The following NLRP1 variants were observed in gnomAD, a reference collection of about 807,000 sequenced individuals.
The protein encoded by NLRP1 is NLR family pyrin domain containing 1, also known as NACHT, LRR and PYD domains-containing protein 1.
Under a neutral mutation model 136.7 loss-of-function variants are expected in NLRP1, and 94 were observed. The observed-to-expected ratio is 0.69, with a 90% CI of 0.58 to 0.82. The LOEUF (loss-of-function observed/expected upper bound fraction) is 0.82, where lower values mean the gene tolerates loss of function less well. Among genes scored for constraint, NLRP1 ranks in the 40% least tolerant of loss-of-function variants. The probability of loss-of-function intolerance (pLI) is 0.00; values close to 1 mark genes in which losing one functional copy is unlikely to be tolerated. For missense variants in NLRP1, 1,575 were observed against 1,802.7 expected (o/e 0.87, Z 2.29); for synonymous variants, 690 against 725.1 (o/e 0.95, Z 0.78).
intron 8 of NLRP1, among the ~76,000 whole-genome samples, chr17:5,535,012 G>C (rs1910851059): frequency 6.6e-6 from 1 of 152,190 alleles, no homozygotes; most frequent in Admixed American, 6.5e-5. Context: ...ACAAGGTCAG[G>C]AGTTCGAGAC....
Position 5,530,470 on chromosome 17 carries a change from CTGT to C in NLRP1, c.3520+8_3520+10del. On this transcript the variant is annotated splice_region_variant and intron_variant, in intron 12 of 16. Coordinates refer to ENST00000572272, the MANE Select transcript of NLRP1 (RefSeq NM_033004.4). ...CCACCACCTTCCTCCCTATCCTTCC[CTGT>C]TGTTTACCTTGGAGAGCCACAAAGT... The C allele has an allele frequency of 3.7e-6, 6 of 1,610,478 alleles. No individual in the cohort carries two copies. The highest frequency in any genetic ancestry group is 4.2e-6 in the Non-Finnish European group (5 of 1,177,096).
intron 15 of NLRP1, among the ~76,000 whole-genome samples, chr17:5,507,995 G>A (rs1398947186): frequency 2.6e-5 from 4 of 151,808 alleles, no homozygotes; most frequent in African/African-American, 9.7e-5. Context: ...TTAGCCAGGC[G>A]TGGTGGCGCA....
intron 15 of NLRP1, 70 bp downstream of exon 15, chr17:5,517,676 G>A: frequency 6.4e-7 from 1 of 1,572,954 alleles, no homozygotes; most frequent in Non-Finnish European, 8.7e-7. Flanking sequence ...GTGAGCCACT[G>A]TGCCCAGCTC....
At position 5,568,900 on chromosome 17, in the gene NLRP1, A is replaced by G. The variant is rs552285196; in HGVS notation, c.653-8857T>C. On this transcript the variant is annotated intron_variant, in intron 3 of 16. Coordinates refer to ENST00000572272, the MANE Select transcript of NLRP1 (RefSeq NM_033004.4). ...TTTCCTTACTTTCTGCCAAACATAC[A>G]GTCTCTGTCTCTTCTAAGCCACCTA... Among the ~76,000 whole-genome samples, 6 of 152,264 alleles carry G rather than the reference A, an allele frequency of 3.9e-5. No homozygotes were observed. In the South Asian group the frequency reaches 1.0e-3, roughly 26 times the overall value.
intron 12 of NLRP1, among the ~76,000 whole-genome samples, chr17:5,529,508 C>T (rs1909966823): frequency 6.6e-6 from 1 of 151,958 alleles, no homozygotes; most frequent in African/African-American, 2.4e-5. Flanking sequence ...GCTGGGACTA[C>T]AGGCGCCTGC....
At chr17:5,538,962 C>T (rs1174921724) in intron 7 of NLRP1, among the ~76,000 whole-genome samples, 1 of 152,136 alleles carries the variant, frequency 6.6e-6, no homozygotes, top group Non-Finnish European at 1.5e-5. Flanking sequence ...CTCACTGCAA[C>T]CTCTGCCTCC....
chr17:5,551,024 T>G (rs2151790909), intron 5 of NLRP1, among the ~76,000 whole-genome samples: 1 of 152,254 alleles, frequency 6.6e-6, no homozygotes, highest in South Asian at 2.1e-4. Flanking sequence ...TTACAATTGA[T>G]AAACTGACAT....
At position 5,559,913 on chromosome 17, in the gene NLRP1, C is replaced by G. The variant is rs754760235; in HGVS notation, c.783G>C (p.Glu261Asp). 8.1e-6 allele frequency: 13 copies of G among 1,614,224 alleles called. No individual in the cohort carries two copies. The highest frequency in any genetic ancestry group is 8.5e-7 in the Non-Finnish European group (1 of 1,180,032). ...HHHPWEPSVR[E>D]SLCSTWPWKN... ...TCCAGGGCCATGTGGAACAGAGGCTCTCTCTCACAGAAGGCTCCCATGGGT... is the reference window on the plus strand; with the variant it reads ...TCCAGGGCCATGTGGAACAGAGGCTGTCTCTCACAGAAGGCTCCCATGGGT... The change falls in exon 4 of 17, where the codon GAG becomes GAC. Residue 261 changes from glutamate (E) to aspartate (D), a missense_variant. Transcript: ENST00000572272.
intron 3 of NLRP1, among the ~76,000 whole-genome samples, chr17:5,577,333 G>A (rs1905123686): frequency 6.6e-6 from 1 of 152,162 alleles, no homozygotes; most frequent in Admixed American, 6.5e-5. Context: ...GTCCCTGTTT[G>A]CAGATGACAT....
chr17:5,517,692 T>C (rs1567630689), intron 15 of NLRP1, 54 bp downstream of exon 15: 33 of 1,605,288 alleles, frequency 2.1e-5, no homozygotes, highest in Middle Eastern at 1.7e-4. Flanking sequence ...AGCTCCTTCA[T>C]TGATTTTCTT....
At position 5,514,836 on chromosome 17, in the gene NLRP1, G is replaced by A; in HGVS notation, c.4340C>T (p.Ala1447Val). 1 of 1,614,116 alleles carries A rather than the reference G, an allele frequency of 6.2e-7. No individual in the cohort carries two copies. Among genetic ancestry groups the A allele is most frequent in the South Asian group, 1.1e-5 (1 of 91,074 alleles). The change falls in exon 17 of 17, where the codon GCC (alanine) becomes GTC (valine). Residue 1447 changes from alanine (A) to valine (V), a missense_variant. Physicochemically the swap from Ala to Val is moderately conservative, Grantham distance 64. Coordinates refer to ENST00000572272, the MANE Select transcript of NLRP1 (RefSeq NM_033004.4). ...DRKCKDGLYQALKETHPHLIM... is the reference protein window; with the variant it reads ...DRKCKDGLYQVLKETHPHLIM... ...GAGGTGAGGATGGGTCTCCTTCAGG[G>A]CTTGGTAGAGTCCATCTTTGCACTT...
rs145951706 is a variant in NLRP1, at chr17:5,541,030, C to T, written c.2699+827G>A. ...GCCCAGCAGGACCAGGGAGAGGTAA[C>T]TATGCACTCTTGTTTCTTTTCTTTT... On this transcript the variant is annotated intron_variant, in intron 6 of 16. Transcript: ENST00000572272. The surrounding 1 kb of genome is among the most constrained non-coding windows in gnomAD (Gnocchi z 4.2). Among the ~76,000 whole-genome samples the T allele has an allele frequency of 6.6e-3, 1,010 of 152,256 alleles. 8 individuals are homozygous for T. Among genetic ancestry groups the T allele is most frequent in the South Asian group, 0.023 (111 of 4,818 alleles).
At position 5,539,406 on chromosome 17, in the gene NLRP1, G is replaced by A. The variant is rs2151770640; in HGVS notation, c.2870+9C>T. On this transcript the variant is annotated intron_variant, in intron 7 of 16. Coordinates refer to ENST00000572272, the MANE Select transcript of NLRP1 (RefSeq NM_033004.4). ...TCCCTCTGCCCAGAAGGGACCCACAGGGCCTTACCCCAGGCGTATGAGTTT... is the reference window on the plus strand; with the variant it reads ...TCCCTCTGCCCAGAAGGGACCCACAAGGCCTTACCCCAGGCGTATGAGTTT... The A allele has an allele frequency of 1.9e-6, 3 of 1,608,328 alleles. No homozygotes were observed. The South Asian group carries it at 3.3e-5, about 18-fold the overall frequency.
chr17:5,582,821 GC>G lies in NLRP1; in HGVS notation c.296del (p.Ser99ThrfsTer19). On this transcript the variant is annotated frameshift_variant, in exon 2 of 17. Coordinates refer to ENST00000572272, the MANE Select transcript of NLRP1 (RefSeq NM_033004.4). LOFTEE classifies it high-confidence loss of function. ...GAGHSPSFPYSPSEPHLGSPS... is the reference protein window; with the variant it reads ...GAGHSPSFPYXPSEPHLGSPS... ...GAGACCCCAGGTGGGGTTCACTTGGGCTGTAGGGGAATGAGGGAGAGTGGCC... is the reference window on the plus strand; with the variant it reads ...GAGACCCCAGGTGGGGTTCACTTGGGTGTAGGGGAATGAGGGAGAGTGGCC... 6.2e-7 allele frequency: 1 copy of G among 1,612,724 alleles called. No homozygotes were observed. The highest frequency in any genetic ancestry group is 8.5e-7 in the Non-Finnish European group (1 of 1,179,190).
chr17:5,507,755 C>T (rs546678508), intron 15 of NLRP1, among the ~76,000 whole-genome samples: 1 of 150,432 alleles, frequency 6.6e-6, no homozygotes, highest in South Asian at 2.1e-4. Context: ...CGCTTGAACT[C>T]GGGAGGCGGG....
intron 8 of NLRP1, 51 bp downstream of exon 8, chr17:5,536,800 G>T: frequency 2.3e-6 from 3 of 1,328,988 alleles, no homozygotes; most frequent in Non-Finnish European, 2.2e-6. Flanking sequence ...CCTGTCTCCT[G>T]CTCAGCCCTG....
At chr17:5,580,032 G>A (rs1482005517) in intron 3 of NLRP1, among the ~76,000 whole-genome samples, 7 of 152,050 alleles carry the variant, frequency 4.6e-5, no homozygotes, top group Non-Finnish European at 1.0e-4. Flanking sequence ...TCAGGAGTTC[G>A]AGACCAGCCT....
At chr17:5,544,305 A>T (rs917446255) in intron 5 of NLRP1, among the ~76,000 whole-genome samples, 3 of 152,222 alleles carry the variant, frequency 2.0e-5, no homozygotes, top group African/African-American at 7.2e-5. Context: ...GGCTGGCAGC[A>T]TCATGGCACA....
At chr17:5,552,578 T>C (rs913784100) in intron 5 of NLRP1, among the ~76,000 whole-genome samples, 1 of 152,214 alleles carries the variant, frequency 6.6e-6, no homozygotes, top group Non-Finnish European at 1.5e-5. Flanking sequence ...CACTATCCCA[T>C]GAGTTGCTTT....
Sources: allele counts gnomAD v4.1 joint callset (sites outside exome capture counted in the v4.1 genomes callset), GRCh38; gene constraint gnomAD v4.1.1; non-coding constraint Gnocchi (gnomAD v3.1); transcripts MANE v1.5; gene names NCBI Gene and HGNC (gene_info 2026-07-23, HGNC 2026-07-21).